Variants in KIFBP observed in about 807,000 individuals in gnomAD.
The protein encoded by KIFBP is KIF-binding protein.
Under a neutral mutation model 58.9 loss-of-function variants are expected in KIFBP, and 46 were observed. The observed-to-expected ratio is 0.78, with a 90% CI of 0.62 to 1.00. KIFBP has a LOEUF of 1.00. KIFBP is among the 50% of genes least tolerant of loss of function. The pLI is 0.00. For missense variants in KIFBP, 651 were observed against 752.9 expected (o/e 0.86, Z 1.58); for synonymous variants, 241 against 283.4 (o/e 0.85, Z 1.50).
chr10:69,005,046 G>T lies in KIFBP; in HGVS notation c.526G>T (p.Val176Phe), dbSNP rs757109189. 3.1e-6 allele frequency: 5 copies of T among 1,611,226 alleles called. No individual in the cohort carries two copies. The highest frequency in any genetic ancestry group is 4.2e-6 in the Non-Finnish European group (5 of 1,177,410). The change falls in exon 3 of 7, where the codon GTT becomes TTT. Residue 176 changes from valine (V) to phenylalanine (F), a missense_variant and splice_region_variant. Coordinates refer to ENST00000361983, the MANE Select transcript of KIFBP (RefSeq NM_015634.4). ...EALYNQYMKE[V>F]GSPPLDPTER... ...GAGCTTTTGTTTTTCTTAATTGTAG[G>T]TTGGGAGTCCTCCTCTTGATCCTAC...
rs1589292435 is a variant in KIFBP, at chr10:68,989,126, G to T, written c.294G>T (p.Glu98Asp). The T allele has an allele frequency of 6.2e-7, 1 of 1,611,130 alleles. No individual in the cohort carries two copies. The highest frequency in any genetic ancestry group is 1.7e-5 in the Admixed American group (1 of 59,822). The change falls in exon 1 of 7, where the codon GAG (glutamate) becomes GAT (aspartate). Residue 98 changes from glutamate to aspartate, a missense_variant. Physicochemically the swap from Glu to Asp is conservative, Grantham distance 45. Transcript: ENST00000361983. ...GAGCGGTGAGGCTGGCAGTCATCGA[G>T]TTCCACCTCGGGGTGAACCACATCG... ...AQRAVRLAVI[E>D]FHLGVNHIDT... is the part of the protein sequence containing the mutation.
rs1401634537 is a variant in KIFBP, at chr10:69,016,084, T to C, written c.1534T>C (p.Ser512Pro). The change falls in exon 7 of 7, where the codon TCA (serine) becomes CCA (proline). Residue 512 changes from serine (S) to proline (P), a missense_variant. By Grantham distance (74) the Ser-to-Pro change is moderately conservative (BLOSUM62 -1). Coordinates refer to ENST00000361983, the MANE Select transcript of KIFBP (RefSeq NM_015634.4). ...IVKKINNLNKSALKYYQLFLD... is the reference protein window; with the variant it reads ...IVKKINNLNKPALKYYQLFLD... The stretch of plus-strand genomic sequence containing the variant: ...AAAAAAAATAAATAATCTTAATAAG[T>C]CAGCACTGAAGTACTACCAGCTCTT... 6.2e-7 allele frequency: 1 copy of C among 1,614,044 alleles called. No individual in the cohort carries two copies. Among genetic ancestry groups the C allele is most frequent in the East Asian group, 2.2e-5 (1 of 44,886 alleles).
chr10:68,990,673 A>C (rs1218482743), intron 1 of KIFBP, among the ~76,000 whole-genome samples: 1 of 152,190 alleles, frequency 6.6e-6, no homozygotes, highest in Non-Finnish European at 1.5e-5. Flanking sequence ...GATGTTTATC[A>C]CAGCAGTGTT....
At chr10:68,993,168 G>C (rs1843368661) in intron 1 of KIFBP, among the ~76,000 whole-genome samples, 1 of 152,118 alleles carries the variant, frequency 6.6e-6, no homozygotes, top group South Asian at 2.1e-4. Flanking sequence ...ACTGTCTTCT[G>C]AACAGGCAGT....
At chr10:69,002,935 C>T (rs1469080387) in intron 2 of KIFBP, among the ~76,000 whole-genome samples, 2 of 150,424 alleles carry the variant, frequency 1.3e-5, no homozygotes, top group African/African-American at 2.4e-5. Flanking sequence ...AAGCTGAACA[C>T]GGTGACTTAC....
chr10:68,991,692 G>A (rs1018411895), intron 1 of KIFBP: 2 of 170,656 alleles, frequency 1.2e-5, no homozygotes, highest in African/African-American at 4.8e-5. Flanking sequence ...AAAGGCTGTG[G>A]GCCTGAGAGT....
chr10:69,011,172 T>G (rs963260020), intron 6 of KIFBP, 157 bp downstream of exon 6: 1 of 647,360 alleles, frequency 1.5e-6, no homozygotes, highest in East Asian at 2.9e-5. Context: ...TTAAATCGTA[T>G]TCTTCGAATT....
rs1430252870 is a variant in KIFBP, at chr10:69,015,550, G to A, written c.1000G>A (p.Gly334Arg). The A allele has an allele frequency of 6.2e-7, 1 of 1,613,606 alleles. No homozygotes were observed. Among genetic ancestry groups the A allele is most frequent in the South Asian group, 1.1e-5 (1 of 91,012 alleles). ...NAQLSMQDNI[G>R]ELDLDKQSEL... is the part of the protein sequence containing the mutation. ...TTTTTTTTTCCTTCAGGACAACATAGGAGAGCTTGATCTTGATAAACAGTC... is the reference window on the plus strand; with the variant it reads ...TTTTTTTTTCCTTCAGGACAACATAAGAGAGCTTGATCTTGATAAACAGTC... The change falls in exon 7 of 7, where the codon GGA (glycine) becomes AGA (arginine). Residue 334 changes from glycine (G) to arginine (R), a missense_variant. Transcript: ENST00000361983.
intron 2 of KIFBP, among the ~76,000 whole-genome samples, chr10:69,003,714 G>A (rs1484595209): frequency 1.3e-5 from 2 of 152,160 alleles, no homozygotes; most frequent in Admixed American, 1.3e-4. Context: ...ATGGAATCTG[G>A]TTTTAATGTC....
chr10:68,994,486 C>T (rs1843383615), intron 1 of KIFBP, among the ~76,000 whole-genome samples: 1 of 152,018 alleles, frequency 6.6e-6, no homozygotes, highest in Non-Finnish European at 1.5e-5. Flanking sequence ...CAAGAGATTT[C>T]TGTCTTCTCT....
intron 4 of KIFBP, among the ~76,000 whole-genome samples, chr10:69,008,419 T>TATATATATATATATA (rs1564637637): frequency 1.5e-4 from 21 of 137,576 alleles, no homozygotes; most frequent in African/African-American, 4.6e-4. Flanking sequence ...TATATATATA[T>TATATATATATATATA]TCAGTCTTCT....
At chr10:69,003,644 T>A (rs1403495885) in intron 2 of KIFBP, among the ~76,000 whole-genome samples, 2 of 152,206 alleles carry the variant, frequency 1.3e-5, no homozygotes, top group East Asian at 3.8e-4. Flanking sequence ...ATTACCCTTA[T>A]TTTATAGATG....
intron 4 of KIFBP, 133 bp from the exon 5 acceptor site, chr10:69,008,708 C>T: frequency 1.3e-6 from 1 of 753,118 alleles, no homozygotes; most frequent in Non-Finnish European, 2.4e-6. Flanking sequence ...TGATCTGCAA[C>T]TCTACAGGGC....
At chr10:68,995,447 T>C (rs1437522555) in intron 1 of KIFBP, among the ~76,000 whole-genome samples, 1 of 152,214 alleles carries the variant, frequency 6.6e-6, no homozygotes, top group African/African-American at 2.4e-5. Flanking sequence ...GTGGATTACA[T>C]TGATTTTTGT....
At chr10:69,005,658 G>A in intron 3 of KIFBP, 74 bp from the exon 4 acceptor site, 1 of 1,173,306 alleles carries the variant, frequency 8.5e-7, no homozygotes, top group Non-Finnish European at 1.2e-6. Flanking sequence ...GGGCAACAGA[G>A]CGAGACTCTG....
At chr10:68,999,426 C>T (rs1396158572) in intron 1 of KIFBP, among the ~76,000 whole-genome samples, 3 of 138,626 alleles carry the variant, frequency 2.2e-5, no homozygotes, top group African/African-American at 7.7e-5. Context: ...AAAAAAAGTT[C>T]TCTGGAAGAG....
At chr10:69,009,968 T>C (rs1005862303) in intron 5 of KIFBP, among the ~76,000 whole-genome samples, 6 of 152,166 alleles carry the variant, frequency 3.9e-5, no homozygotes, top group African/African-American at 1.2e-4. Flanking sequence ...ATTATCAAAG[T>C]AAATAGTTGC....
intron 6 of KIFBP, among the ~76,000 whole-genome samples, chr10:69,013,240 T>C (rs1843612312): frequency 6.6e-6 from 1 of 152,070 alleles, no homozygotes; most frequent in Non-Finnish European, 1.5e-5. Flanking sequence ...GTAAATAATA[T>C]AGAACCTTGT....
intron 4 of KIFBP, among the ~76,000 whole-genome samples, chr10:69,008,439 T>G (rs1843560253): frequency 7.2e-6 from 1 of 139,090 alleles, no homozygotes; most frequent in Non-Finnish European, 1.5e-5. Flanking sequence ...TGACACAATG[T>G]AAATAGTCTA....
Sources: gnomAD v4.1 joint callset for allele counts (sites outside exome capture counted in the v4.1 genomes callset) on GRCh38, gnomAD v4.1.1 for gene constraint, MANE v1.5 for transcripts, NCBI Gene and HGNC (gene_info 2026-07-23, HGNC 2026-07-21) for gene names.